CNTNAP5: variants seen among roughly 807,000 people sequenced by gnomAD.
CNTNAP5 encodes the protein contactin-associated protein-like 5.
A neutral mutation model predicts 150.2 loss-of-function variants in CNTNAP5; 72 were observed. The observed-to-expected ratio is 0.48, with a 90% CI of 0.40 to 0.58. CNTNAP5 has a LOEUF of 0.58. Among genes scored for constraint, CNTNAP5 ranks in the 20% least tolerant of loss-of-function variants. The probability of loss-of-function intolerance (pLI) is 0.00; values close to 1 mark genes in which losing one functional copy is unlikely to be tolerated. For missense variants in CNTNAP5, 1,636 were observed against 1,626.2 expected (o/e 1.01, Z -0.10); for synonymous variants, 672 against 619.8 (o/e 1.08, Z -1.25).
Position 124,728,351 on chromosome 2 carries a change from G to C in CNTNAP5, c.2078-18878G>C, listed in dbSNP as rs1680203715. ...TCAATTTACGGAAGTAAGAGTTTGAGAAGGATTGACACTAGTTCTTTAAAT... is the reference window on the plus strand; with the variant it reads ...TCAATTTACGGAAGTAAGAGTTTGACAAGGATTGACACTAGTTCTTTAAAT... On this transcript the variant is annotated intron_variant, in intron 13 of 23. Transcript: ENST00000682447. Among the ~76,000 whole-genome samples the C allele has an allele frequency of 1.3e-5, 2 of 152,016 alleles. 1 individual carries two copies. Among genetic ancestry groups the C allele is most frequent in the South Asian group, 4.1e-4 (2 of 4,834 alleles).
intron 8 of CNTNAP5, among the ~76,000 whole-genome samples, chr2:124,517,744 G>C (rs1236548034): frequency 6.7e-6 from 1 of 149,176 alleles, no homozygotes; most frequent in Non-Finnish European, 1.5e-5. Context: ...GAGGGTTTTG[G>C]TGTTGGTGAT....
At chr2:124,469,410 G>A (rs899617026) in intron 6 of CNTNAP5, among the ~76,000 whole-genome samples, 1 of 151,958 alleles carries the variant, frequency 6.6e-6, no homozygotes, top group Non-Finnish European at 1.5e-5. Flanking sequence ...TTTTGAAATT[G>A]AGGAAAGTAG....
At chr2:124,910,184 G>A (rs778652880) in intron 22 of CNTNAP5, among the ~76,000 whole-genome samples, 11 of 151,910 alleles carry the variant, frequency 7.2e-5, no homozygotes, top group Non-Finnish European at 1.2e-4. Context: ...CATCTTTCAC[G>A]TGTGTCTCCA....
At chr2:124,798,797 A>G (rs1193476710) in intron 19 of CNTNAP5, among the ~76,000 whole-genome samples, 1 of 152,116 alleles carries the variant, frequency 6.6e-6, no homozygotes, top group Non-Finnish European at 1.5e-5. Flanking sequence ...AACCTTGGGG[A>G]ATAGGTGGCT....
chr2:124,712,218 A>G (rs1395989029), intron 13 of CNTNAP5, among the ~76,000 whole-genome samples: 1 of 152,250 alleles, frequency 6.6e-6, no homozygotes, highest in Non-Finnish European at 1.5e-5. Flanking sequence ...ATCAATTAGT[A>G]GCAGTAGTGT....
chr2:124,565,941 A>G (rs1167727280), intron 11 of CNTNAP5, among the ~76,000 whole-genome samples: 1 of 131,558 alleles, frequency 7.6e-6, no homozygotes, highest in Non-Finnish European at 1.6e-5. Context: ...GATTTTATCA[A>G]TTGAGGGATC....
At chr2:124,879,783 C>T (rs1193462341) in intron 21 of CNTNAP5, among the ~76,000 whole-genome samples, 1 of 152,102 alleles carries the variant, frequency 6.6e-6, no homozygotes, top group African/African-American at 2.4e-5. Context: ...TCTTCCTTGC[C>T]GATGGCTCTG....
At chr2:124,813,811 G>T (rs1401367130) in intron 19 of CNTNAP5, among the ~76,000 whole-genome samples, 1 of 151,722 alleles carries the variant, frequency 6.6e-6, no homozygotes, top group Non-Finnish European at 1.5e-5. Flanking sequence ...TACTTATATT[G>T]CATGTGGCAT....
intron 11 of CNTNAP5, among the ~76,000 whole-genome samples, chr2:124,576,637 G>A (rs1019223085): frequency 6.6e-5 from 10 of 152,242 alleles, no homozygotes; most frequent in African/African-American, 2.4e-4. Flanking sequence ...TAATGGCAAT[G>A]CAGTATGAAA....
At chr2:124,831,144 C>T (rs181269688) in intron 19 of CNTNAP5, among the ~76,000 whole-genome samples, 1 of 152,112 alleles carries the variant, frequency 6.6e-6, no homozygotes, top group Non-Finnish European at 1.5e-5. Context: ...TTATAGCCAA[C>T]TTGATCATAT....
chr2:124,760,213 A>G (rs2105160688), intron 14 of CNTNAP5, among the ~76,000 whole-genome samples: 1 of 151,972 alleles, frequency 6.6e-6, no homozygotes, highest in Non-Finnish European at 1.5e-5. Flanking sequence ...TTCAAAGGGA[A>G]CTGAGTTCTT....
In CNTNAP5 at chr2:124,244,994, T is replaced by G. The variant is rs1372293476; in HGVS notation, c.381+2601T>G. On this transcript the variant is annotated intron_variant, in intron 3 of 23. Coordinates refer to ENST00000682447, the MANE Select transcript of CNTNAP5 (RefSeq NM_001367498.1). ...TCCTAAATATAGTTGGTTGCAAAAC[T>G]GTAGTTTCTGTTTCTCTTTTAGTAC... is the stretch of plus-strand genomic sequence containing the variant. 3.3e-5 allele frequency among the ~76,000 whole-genome samples: 5 copies of G among 152,300 alleles called. No individual in the cohort carries two copies. In the South Asian group the frequency reaches 1.0e-3, roughly 32 times the overall value.
At chr2:124,828,863 A>G (rs1682655996) in intron 19 of CNTNAP5, among the ~76,000 whole-genome samples, 1 of 151,296 alleles carries the variant, frequency 6.6e-6, no homozygotes, top group South Asian at 2.1e-4. Flanking sequence ...GGTCCTTCAG[A>G]GAAGCTGTCA....
At position 124,031,712 on chromosome 2, in the gene CNTNAP5, G is replaced by A. The variant is rs1253682532; in HGVS notation, c.82+5980G>A. Among the ~76,000 whole-genome samples the A allele has an allele frequency of 2.6e-5, 4 of 151,984 alleles. No individual in the cohort carries two copies. The East Asian group carries it at 5.8e-4, about 22-fold the overall frequency. On this transcript the variant is annotated intron_variant, in intron 1 of 23. Coordinates refer to ENST00000682447, the MANE Select transcript of CNTNAP5 (RefSeq NM_001367498.1). ...AACTTGCTTTATGGAATTTTAATGA[G>A]TGTTGCTTATAGAATCTAAAAAAAA...
At chr2:124,483,923 C>T (rs1693812536) in intron 7 of CNTNAP5, among the ~76,000 whole-genome samples, 1 of 152,236 alleles carries the variant, frequency 6.6e-6, no homozygotes, top group Non-Finnish European at 1.5e-5. Flanking sequence ...AGCCACCCTT[C>T]CCCTTTTTAT....
intron 3 of CNTNAP5, among the ~76,000 whole-genome samples, chr2:124,316,752 C>T (rs1688970536): frequency 7.0e-6 from 1 of 142,708 alleles, no homozygotes; most frequent in Admixed American, 7.3e-5. Context: ...TTGCAGTGAG[C>T]CCAGATCATG....
intron 5 of CNTNAP5, 129 bp from the exon 6 acceptor site, chr2:124,446,624 C>A: frequency 1.2e-6 from 1 of 869,402 alleles, no homozygotes; most frequent in South Asian, 1.8e-5. Flanking sequence ...CAGCACAGTT[C>A]CAGGCCTGTA....
At chr2:124,361,269 T>C (rs1337021146) in intron 3 of CNTNAP5, among the ~76,000 whole-genome samples, 1 of 144,048 alleles carries the variant, frequency 6.9e-6, no homozygotes, top group Non-Finnish European at 1.5e-5. Context: ...CTCCCATAGC[T>C]CAGAGTAATT....
intron 3 of CNTNAP5, among the ~76,000 whole-genome samples, chr2:124,302,557 C>A (rs948675615): frequency 3.3e-5 from 5 of 152,122 alleles, no homozygotes; most frequent in Non-Finnish European, 5.9e-5. Flanking sequence ...ACCATTTTAC[C>A]AGGAACCCAC....
Sources: allele counts gnomAD v4.1 joint callset (sites outside exome capture counted in the v4.1 genomes callset), GRCh38; gene constraint gnomAD v4.1.1; transcripts MANE v1.5; gene names NCBI Gene and HGNC (gene_info 2026-07-23, HGNC 2026-07-21).